APBB2: variants seen among roughly 807,000 people sequenced by gnomAD.
APBB2 encodes amyloid beta precursor protein binding family B member 2, also known as Fe65-like 1.
Under a neutral mutation model 82.5 loss-of-function variants are expected in APBB2, and 38 were observed. The ratio of observed to expected loss-of-function variants is 0.46; its 90% CI spans 0.36 to 0.60. The LOEUF (loss-of-function observed/expected upper bound fraction) is 0.60, where lower values mean the gene tolerates loss of function less well. APBB2 is among the 20% of genes least tolerant of loss of function. The pLI is 0.00. For synonymous variants in APBB2, 341 were observed against 368.2 expected (o/e 0.93, Z 0.85); for missense variants, 772 against 972.3 (o/e 0.79, Z 2.74).
At chr4:40,931,331 A>G (rs969779047) in intron 10 of APBB2, among the ~76,000 whole-genome samples, 1 of 152,160 alleles carries the variant, frequency 6.6e-6, no homozygotes, top group Non-Finnish European at 1.5e-5. Context: ...TCTCATGGAC[A>G]GCAGTGCCTC....
intron 7 of APBB2, among the ~76,000 whole-genome samples, chr4:40,942,051 T>C (rs1236576512): frequency 6.6e-6 from 1 of 152,224 alleles, no homozygotes; most frequent in African/African-American, 2.4e-5. Context: ...CATCAGCGTA[T>C]GTGGCAGGCT....
chr4:40,826,105 A>G lies in APBB2; in HGVS notation c.1733-135T>C. ...GCCCTATGTTTCTGGATGTAAATGT[A>G]ACAACTATTCTACAAGAGCAGCATT... On this transcript the variant is annotated intron_variant, in intron 14 of 17. Coordinates refer to ENST00000508593, the MANE Select transcript of APBB2 (RefSeq NM_004307.2). The surrounding 1 kb of genome is among the most constrained non-coding windows in gnomAD (Gnocchi z 4.5). 1.4e-6 allele frequency: 1 copy of G among 700,646 alleles called. No individual in the cohort carries two copies. Among genetic ancestry groups the G allele is most frequent in the Non-Finnish European group, 2.6e-6 (1 of 382,922 alleles). 43.4% of individuals were successfully genotyped at this position (700,646 alleles called of 1,614,324 possible).
intron 12 of APBB2, chr4:40,880,115 C>G: frequency 1.0e-6 from 1 of 985,420 alleles, no homozygotes; most frequent in Non-Finnish European, 1.2e-6. Context: ...GTGATGATCT[C>G]CAGTGCGGAT....
At chr4:40,831,381 G>A (rs1019719867) in intron 12 of APBB2, among the ~76,000 whole-genome samples, 42 of 151,146 alleles carry the variant, frequency 2.8e-4, no homozygotes, top group African/African-American at 9.8e-4. Flanking sequence ...CAGCCTGGGG[G>A]ACAAGGGTGA....
At chr4:41,141,195 G>C (rs1327234199) in intron 2 of APBB2, among the ~76,000 whole-genome samples, 1 of 151,252 alleles carries the variant, frequency 6.6e-6, no homozygotes, top group African/African-American at 2.4e-5. Flanking sequence ...CAATTGGGAT[G>C]TTTTGGATGT....
intron 6 of APBB2, among the ~76,000 whole-genome samples, chr4:40,948,211 C>A (rs538516271): frequency 1.3e-5 from 2 of 152,096 alleles, no homozygotes; most frequent in African/African-American, 4.8e-5. Flanking sequence ...GGAAGTATGC[C>A]GAGTGAAGAC....
At chr4:41,099,833 T>C (rs1358323399) in intron 3 of APBB2, among the ~76,000 whole-genome samples, 4 of 152,230 alleles carry the variant, frequency 2.6e-5, no homozygotes, top group African/African-American at 9.6e-5. Context: ...ATAATGTTTC[T>C]GGAACATGCT....
chr4:41,060,938 T>G (rs1729590749), intron 4 of APBB2, among the ~76,000 whole-genome samples: 1 of 152,010 alleles, frequency 6.6e-6, no homozygotes, highest in African/African-American at 2.4e-5. Flanking sequence ...TCATCATGAG[T>G]AATGGGTAAT....
intron 12 of APBB2, among the ~76,000 whole-genome samples, chr4:40,833,513 A>T (rs1178927202): frequency 6.6e-6 from 1 of 152,144 alleles, no homozygotes; most frequent in African/African-American, 2.4e-5. Context: ...TTGTATCAAA[A>T]TGCCCACGGT....
intron 2 of APBB2, among the ~76,000 whole-genome samples, chr4:41,134,558 G>A (rs1233373076): frequency 1.3e-5 from 2 of 152,102 alleles, no homozygotes; most frequent in African/African-American, 4.8e-5. Context: ...ATTTATACAA[G>A]TATATCATGG....
chr4:40,950,469 T>C (rs1789789415), intron 6 of APBB2, among the ~76,000 whole-genome samples: 2 of 152,116 alleles, frequency 1.3e-5, no homozygotes, highest in Non-Finnish European at 2.9e-5. Flanking sequence ...CCCAGCACAT[T>C]GGGAGGTCAA....
intron 4 of APBB2, among the ~76,000 whole-genome samples, chr4:41,048,673 C>T (rs1362116372): frequency 6.7e-6 from 1 of 148,922 alleles, no homozygotes. Context: ...CTCCCGTCTC[C>T]CCTACGGTCT....
At chr4:41,080,221 T>C (rs1244989114) in intron 3 of APBB2, among the ~76,000 whole-genome samples, 2 of 152,258 alleles carry the variant, frequency 1.3e-5, no homozygotes, top group Admixed American at 6.5e-5. Flanking sequence ...TTCAGCATTC[T>C]GCAGCACATT....
intron 5 of APBB2, among the ~76,000 whole-genome samples, chr4:41,028,308 G>C (rs538639215): frequency 1.1e-3 from 169 of 152,364 alleles, no homozygotes; most frequent in Non-Finnish European, 1.9e-3. Flanking sequence ...CCTTATTTCA[G>C]GGGGCACATG....
chr4:40,854,653 G>A (rs575087981), intron 12 of APBB2, among the ~76,000 whole-genome samples: 18 of 152,204 alleles, frequency 1.2e-4, no homozygotes, highest in African/African-American at 3.9e-4. Flanking sequence ...GCCATGTGTG[G>A]TGGCGGGCGC....
At chr4:40,940,592 A>C (rs983324404) in intron 7 of APBB2, among the ~76,000 whole-genome samples, 14 of 152,212 alleles carry the variant, frequency 9.2e-5, no homozygotes, top group South Asian at 2.1e-4. Flanking sequence ...CACAGGCTTA[A>C]GGTATTCCAC....
intron 6 of APBB2, among the ~76,000 whole-genome samples, chr4:41,013,339 G>C (rs2154429154): frequency 6.6e-6 from 1 of 152,238 alleles, no homozygotes; most frequent in African/African-American, 2.4e-5. Flanking sequence ...CCAAGGATCT[G>C]TTTATTTTAC....
chr4:40,983,726 T>C (rs1365824432), intron 6 of APBB2, among the ~76,000 whole-genome samples: 4 of 152,134 alleles, frequency 2.6e-5, no homozygotes, highest in African/African-American at 7.2e-5. Flanking sequence ...TACAGGTGCA[T>C]GCCACCATAC....
intron 2 of APBB2, among the ~76,000 whole-genome samples, chr4:41,118,661 G>A (rs1751852130): frequency 6.6e-6 from 1 of 152,130 alleles, no homozygotes; most frequent in Admixed American, 6.5e-5. Context: ...GTTTTTATAT[G>A]TGGTACTTTT....
Sources: gnomAD v4.1 joint callset for allele counts (sites outside exome capture counted in the v4.1 genomes callset) on GRCh38, gnomAD v4.1.1 for gene constraint, Gnocchi (gnomAD v3.1) non-coding constraint, MANE v1.5 for transcripts, NCBI Gene and HGNC (gene_info 2026-07-23, HGNC 2026-07-21) for gene names.